SPTLC3: variants seen among roughly 807,000 people sequenced by gnomAD.
SPTLC3 encodes serine palmitoyltransferase 3.
SPTLC3 carries 36 observed loss-of-function variants against 59.3 expected under a neutral mutation model. The observed-to-expected ratio is 0.61, with a 90% confidence interval of 0.47 to 0.80. The LOEUF (loss-of-function observed/expected upper bound fraction) is 0.80. SPTLC3 is among the 30% of genes least tolerant of loss of function. The pLI is 0.00. For synonymous variants in SPTLC3, 257 were observed against 240.8 expected (o/e 1.07, Z -0.62); for missense variants, 625 against 685.1 (o/e 0.91, Z 0.98).
At chr20:13,067,591 C>T (rs1321722311) in intron 2 of SPTLC3, among the ~76,000 whole-genome samples, 4 of 152,030 alleles carry the variant, frequency 2.6e-5, no homozygotes, top group Non-Finnish European at 5.9e-5. Context: ...TTCCATGGAA[C>T]TTTTAGAAGA....
At chr20:13,055,289 C>T (rs529193685) in intron 2 of SPTLC3, among the ~76,000 whole-genome samples, 1 of 151,908 alleles carries the variant, frequency 6.6e-6, no homozygotes, top group South Asian at 2.1e-4. Context: ...GGAGACAACT[C>T]AGCATGCTTC....
intron 2 of SPTLC3, among the ~76,000 whole-genome samples, chr20:13,066,921 AATC>A (rs1263565556): frequency 1.9e-5 from 1 of 52,832 alleles, no homozygotes; most frequent in East Asian, 4.4e-4. Context: ...TATGAAAAAA[AATC>A]ATCAATATAA....
intron 1 of SPTLC3, among the ~76,000 whole-genome samples, chr20:13,031,663 T>G (rs1388628515): frequency 2.0e-5 from 3 of 152,132 alleles, no homozygotes; most frequent in African/African-American, 7.2e-5. Context: ...CTGGGTGCTG[T>G]AAGACACTAC....
intron 8 of SPTLC3, among the ~76,000 whole-genome samples, chr20:13,118,405 G>A (rs931513001): frequency 3.5e-5 from 5 of 141,168 alleles, no homozygotes; most frequent in African/African-American, 1.3e-4. Flanking sequence ...TTAAGTGAGT[G>A]TTGGCCCTGT....
At chr20:13,024,895 A>G (rs1296239351) in intron 1 of SPTLC3, among the ~76,000 whole-genome samples, 1 of 152,032 alleles carries the variant, frequency 6.6e-6, no homozygotes, top group African/African-American at 2.4e-5. Flanking sequence ...TTACAATTCC[A>G]CTCCATCCCC....
chr20:13,094,785 C>T (rs1049182120), intron 6 of SPTLC3, among the ~76,000 whole-genome samples: 1 of 152,144 alleles, frequency 6.6e-6, no homozygotes, highest in Non-Finnish European at 1.5e-5. Flanking sequence ...TACTGAGCCG[C>T]TTTCAGTAGC....
At position 13,116,301 on chromosome 20, in the gene SPTLC3, C is replaced by A. The variant is rs142283731; in HGVS notation, c.933-1205C>A. On this transcript the variant is annotated intron_variant, in intron 7 of 11. Transcript: ENST00000399002. Reference sequence around the variant, plus strand: ...CTCTGTTTGATTCAATGAATTAGCTCTTGAACTAACCTAAACGGTTGTTTG... The same window carrying A: ...CTCTGTTTGATTCAATGAATTAGCTATTGAACTAACCTAAACGGTTGTTTG... Among the ~76,000 whole-genome samples the A allele has an allele frequency of 4.9e-3, 740 of 152,290 alleles. 6 individuals carry two copies. Among genetic ancestry groups the A allele is most frequent in the African/African-American group, 0.017 (717 of 41,560 alleles).
At chr20:13,055,461 C>T (rs915171317) in intron 2 of SPTLC3, among the ~76,000 whole-genome samples, 3 of 152,060 alleles carry the variant, frequency 2.0e-5, no homozygotes, top group Non-Finnish European at 4.4e-5. Context: ...CGGCCTGCTC[C>T]CCAGGTACAA....
intron 6 of SPTLC3, among the ~76,000 whole-genome samples, chr20:13,097,488 A>T (rs572186893): frequency 6.6e-6 from 1 of 152,264 alleles, no homozygotes; most frequent in African/African-American, 2.4e-5. Flanking sequence ...ACTGGATGAA[A>T]AAAAAATAAT....
In SPTLC3 at chr20:13,015,877, A is replaced by T. The variant is rs143051168; in HGVS notation, c.117+6493A>T. On this transcript the variant is annotated intron_variant, in intron 1 of 11. Transcript: ENST00000399002. Reference sequence around the variant, plus strand: ...ATATTTACATGGGAAAAGTCTTTATAACTATGATATAATACCCAGGAGCCA... The same window carrying T: ...ATATTTACATGGGAAAAGTCTTTATTACTATGATATAATACCCAGGAGCCA... 7.4e-3 allele frequency among the ~76,000 whole-genome samples: 1,120 copies of T among 152,210 alleles called. 10 individuals are homozygous for T. Among genetic ancestry groups the T allele is most frequent in the African/African-American group, 0.025 (1,046 of 41,554 alleles).
intron 1 of SPTLC3, among the ~76,000 whole-genome samples, chr20:13,014,818 C>G: frequency 6.6e-6 from 1 of 151,254 alleles, no homozygotes; most frequent in African/African-American, 2.4e-5. Context: ...TAAATGTCAA[C>G]CAATTCCGGT....
At chr20:13,085,387 T>A (rs1988972341) in intron 4 of SPTLC3, among the ~76,000 whole-genome samples, 1 of 152,158 alleles carries the variant, frequency 6.6e-6, no homozygotes, top group Non-Finnish European at 1.5e-5. Flanking sequence ...AGAATGTGAA[T>A]GCTGGCTTTA....
At chr20:13,072,558 A>T in intron 3 of SPTLC3, 148 bp downstream of exon 3, 1 of 831,416 alleles carries the variant, frequency 1.2e-6, no homozygotes, top group Non-Finnish European at 1.8e-6. Context: ...TCCTGATGCC[A>T]GGGGAGGAAG....
At chr20:13,094,432 C>T (rs1398590831) in intron 6 of SPTLC3, among the ~76,000 whole-genome samples, 2 of 152,140 alleles carry the variant, frequency 1.3e-5, no homozygotes. Context: ...CACGTGTACA[C>T]ACACAAATTT....
chr20:13,143,086 T>C (rs17190927), intron 9 of SPTLC3, among the ~76,000 whole-genome samples: 3 of 152,160 alleles, frequency 2.0e-5, no homozygotes, highest in Non-Finnish European at 4.4e-5. Flanking sequence ...CTGCTTCAAC[T>C]TGAGCACTGA....
intron 2 of SPTLC3, among the ~76,000 whole-genome samples, chr20:13,058,655 T>G (rs1473121551): frequency 6.6e-6 from 1 of 152,194 alleles, no homozygotes; most frequent in East Asian, 1.9e-4. Flanking sequence ...AATCAGTGTT[T>G]TAGAGCAATG....
intron 9 of SPTLC3, among the ~76,000 whole-genome samples, chr20:13,145,914 TCA>T (rs1364760868): frequency 1.3e-5 from 2 of 152,204 alleles, no homozygotes; most frequent in African/African-American, 4.8e-5. Context: ...TAATAAATAA[TCA>T]GCATCATTTA....
chr20:13,124,548 A>G (rs568176257), intron 8 of SPTLC3, among the ~76,000 whole-genome samples: 1 of 152,296 alleles, frequency 6.6e-6, no homozygotes, highest in African/African-American at 2.4e-5. Flanking sequence ...AGATGGAAAA[A>G]GGAAGTCATA....
At chr20:13,163,416 C>T (rs907423639) in intron 11 of SPTLC3, among the ~76,000 whole-genome samples, 2 of 150,900 alleles carry the variant, frequency 1.3e-5, no homozygotes, top group African/African-American at 4.9e-5. Context: ...TTTCCTCCTG[C>T]ATCCTCCATA....
Sources: gnomAD v4.1 joint callset for allele counts (sites outside exome capture counted in the v4.1 genomes callset) on GRCh38, gnomAD v4.1.1 for gene constraint, MANE v1.5 for transcripts, NCBI Gene and HGNC (gene_info 2026-07-23, HGNC 2026-07-21) for gene names.